The following SHANK2 variants were observed in gnomAD, a reference collection of about 807,000 sequenced individuals.
The protein encoded by SHANK2 is SH3 and multiple ankyrin repeat domains 2, also known as SH3 and multiple ankyrin repeat domains protein 2.
SHANK2 carries 43 observed loss-of-function variants against 133.7 expected under a neutral mutation model. The observed-to-expected ratio is 0.32, with a 90% CI of 0.25 to 0.41. The LOEUF (loss-of-function observed/expected upper bound fraction) is 0.41. Ranked by LOEUF, SHANK2 falls within the 10% of genes least tolerant of loss-of-function variation. The pLI is 1.00. For missense variants in SHANK2, 1,994 were observed against 2,235.8 expected, an observed-to-expected ratio of 0.89 and a Z score of 2.18; for synonymous variants, 1,017 against 952.8, an observed-to-expected ratio of 1.07 and a Z score of -1.24.
intron 17 of SHANK2, among the ~76,000 whole-genome samples, chr11:70,537,008 G>A (rs1010808377): frequency 6.6e-6 from 1 of 152,174 alleles, no homozygotes; most frequent in Admixed American, 6.5e-5. Flanking sequence ...GCTTTGTGTC[G>A]TACGTCAGCT....
At chr11:71,242,345 T>G (rs1345944099) in intron 1 of SHANK2, among the ~76,000 whole-genome samples, 1 of 152,152 alleles carries the variant, frequency 6.6e-6, no homozygotes, top group African/African-American at 2.4e-5. Flanking sequence ...CCTTAATGCC[T>G]CAGAACTACA....
At chr11:70,513,050 A>G (rs2059222808) in intron 17 of SHANK2, among the ~76,000 whole-genome samples, 1 of 152,226 alleles carries the variant, frequency 6.6e-6, no homozygotes, top group Non-Finnish European at 1.5e-5. Flanking sequence ...CAACAAATAA[A>G]TTCTCTGAAG....
chr11:70,798,760 G>T (rs1947976711), intron 13 of SHANK2, among the ~76,000 whole-genome samples: 1 of 152,204 alleles, frequency 6.6e-6, no homozygotes, highest in Admixed American at 6.5e-5. Flanking sequence ...GCAGACCACA[G>T]GTGCCCTGTG....
At chr11:70,697,728 CATCACAGAT>C (rs1396501631) in intron 15 of SHANK2, among the ~76,000 whole-genome samples, 9 of 152,182 alleles carry the variant, frequency 5.9e-5, no homozygotes, top group Admixed American at 5.9e-4. Flanking sequence ...CTGGGCTGCT[CATCACAGAT>C]ATCCTGGAGG....
At chr11:70,787,837 T>C (rs1947703737) in intron 14 of SHANK2, among the ~76,000 whole-genome samples, 1 of 152,170 alleles carries the variant, frequency 6.6e-6, no homozygotes, top group South Asian at 2.1e-4. Context: ...GATGTATCTA[T>C]GTTTAGGTCC....
rs1555152832 is a variant in SHANK2 at position 70,485,498 on chromosome 11, G to C, written c.4795C>G (p.Pro1599Ala). 2 of 1,613,772 alleles carry C rather than the reference G, an allele frequency of 1.2e-6. No individual in the cohort carries two copies. The highest frequency in any genetic ancestry group is 1.7e-6 in the Non-Finnish European group (2 of 1,180,036). ...AQPGMAKVLQ[P>A]RTSKLWGDVT... ...TCGCCCCACAACTTGGAGGTCCTTG[G>C]CTGGAGAACCTTGGCCATCCCAGGC... Residue 1599 changes from proline to alanine, a missense_variant, in exon 25 of 26, where the codon CCA becomes GCA. Physicochemically the swap from Pro to Ala is conservative, Grantham distance 27. This residue lies in a region of SHANK2 where 797 missense variants were observed against 907.4 expected (regional missense o/e 0.88). Transcript: ENST00000601538. The surrounding 1 kb of genome is among the most constrained non-coding windows in gnomAD (Gnocchi z 5.8).
At chr11:70,718,979 T>C (rs1283636175) in intron 14 of SHANK2, among the ~76,000 whole-genome samples, 4 of 152,142 alleles carry the variant, frequency 2.6e-5, no homozygotes, top group Non-Finnish European at 4.4e-5. Flanking sequence ...ATCGGTAAGA[T>C]GGAAATCAGG....
At chr11:70,831,658 A>G (rs1233836193) in intron 11 of SHANK2, among the ~76,000 whole-genome samples, 2 of 152,268 alleles carry the variant, frequency 1.3e-5, no homozygotes, top group Admixed American at 6.5e-5. Flanking sequence ...CACTTCTTGC[A>G]TAAAAAAAAA....
At chr11:70,662,006 G>T (rs1481739164) in intron 15 of SHANK2, 4 of 573,276 alleles carry the variant, frequency 7.0e-6, no homozygotes, top group Non-Finnish European at 1.2e-5. Context: ...TGGCCAGGAC[G>T]CCGCCCAGGG....
intron 15 of SHANK2, chr11:70,669,608 C>T (rs1457130935): frequency 6.6e-6 from 1 of 152,610 alleles, no homozygotes; most frequent in African/African-American, 2.4e-5. Flanking sequence ...CCAGCTGTCT[C>T]CGAGGGTTGC....
At chr11:70,748,718 CATTG>C (rs1946694319) in intron 14 of SHANK2, among the ~76,000 whole-genome samples, 1 of 152,186 alleles carries the variant, frequency 6.6e-6, no homozygotes, top group South Asian at 2.1e-4. Context: ...AGAAGAAGGA[CATTG>C]TTTACAACAC....
intron 10 of SHANK2, among the ~76,000 whole-genome samples, chr11:70,910,565 T>G (rs1555078775): frequency 6.6e-6 from 1 of 152,046 alleles, no homozygotes; most frequent in Non-Finnish European, 1.5e-5. Flanking sequence ...CCCAGCACAC[T>G]GAGAGGCTGA....
At chr11:71,252,832 G>C (rs1325904216), upstream of SHANK2, among the ~76,000 whole-genome samples, 2 of 152,076 alleles carry the variant, frequency 1.3e-5, no homozygotes, top group Admixed American at 6.5e-5. The surrounding 1 kb of genome is among the most constrained non-coding windows in gnomAD (Gnocchi z 6.3). Flanking sequence ...GCCCCGCCCC[G>C]GGCTGCGTGG....
chr11:70,805,248 G>A (rs545482130), intron 13 of SHANK2, among the ~76,000 whole-genome samples: 6 of 152,250 alleles, frequency 3.9e-5, no homozygotes, highest in Non-Finnish European at 8.8e-5. Flanking sequence ...CGACCCCTGA[G>A]CCCCAGGCTT....
At chr11:71,145,759 C>T (rs1256563454) in intron 3 of SHANK2, among the ~76,000 whole-genome samples, 9 of 152,012 alleles carry the variant, frequency 5.9e-5, no homozygotes, top group Non-Finnish European at 7.4e-5. Flanking sequence ...CGATCTCCAG[C>T]ACTTGGGCCC....
chr11:70,534,580 A>G lies in SHANK2; in HGVS notation c.2062-31649T>C, dbSNP rs532794965. On this transcript the variant is annotated intron_variant, in intron 17 of 25. Transcript: ENST00000601538. ...CCAGGGCAGGACACAGGGCTGGGAC[A>G]AGGCCCCAGGTGTCCTGGTCTGCAG... Among the ~76,000 whole-genome samples the G allele has an allele frequency of 5.3e-4, 80 of 152,310 alleles. 1 individual carries two copies. In the South Asian group the frequency reaches 0.016, roughly 30 times the overall value.
At chr11:70,626,782 A>C (rs1319933235) in intron 17 of SHANK2, among the ~76,000 whole-genome samples, 8 of 146,622 alleles carry the variant, frequency 5.5e-5, no homozygotes, top group Non-Finnish European at 1.1e-4. Context: ...GGAGGAGTCC[A>C]AGGTGGCCCA....
At chr11:70,819,510 C>G (rs146446012) in intron 12 of SHANK2, among the ~76,000 whole-genome samples, 3 of 152,324 alleles carry the variant, frequency 2.0e-5, no homozygotes, top group African/African-American at 7.2e-5. Context: ...GTGAGAAAGG[C>G]AGAGACCTGC....
At chr11:70,735,689 G>T (rs1204170407) in intron 14 of SHANK2, among the ~76,000 whole-genome samples, 35 of 145,570 alleles carry the variant, frequency 2.4e-4, no homozygotes, top group African/African-American at 9.1e-4. Context: ...GGGTGACAGG[G>T]TGAGACTCTG....
Sources: gnomAD v4.1 joint callset for allele counts (sites outside exome capture counted in the v4.1 genomes callset) on GRCh38, gnomAD v4.1.1 for gene constraint, gnomAD v4.1.1 regional missense constraint, Gnocchi (gnomAD v3.1) non-coding constraint, MANE v1.5 for transcripts, NCBI Gene and HGNC (gene_info 2026-07-23, HGNC 2026-07-21) for gene names.